The following KCNQ5 variants were observed in gnomAD, a reference collection of about 807,000 sequenced individuals.
KCNQ5 encodes potassium voltage-gated channel subfamily KQT member 5.
In KCNQ5, 30 loss-of-function variants were observed where a neutral mutation model predicts 98.2. The observed-to-expected ratio is 0.31, with a 90% CI of 0.23 to 0.41. The LOEUF (loss-of-function observed/expected upper bound fraction) is 0.41. Among genes scored for constraint, KCNQ5 ranks in the 10% least tolerant of loss-of-function variants. The probability of loss-of-function intolerance (pLI) is 1.00; values close to 1 mark genes in which losing one functional copy is unlikely to be tolerated. For synonymous variants in KCNQ5, 458 were observed against 449.4 expected (o/e 1.02, Z -0.24); for missense variants, 835 against 1,182.5 (o/e 0.71, Z 4.31).
chr6:73,140,225 C>T (rs1776648072), intron 10 of KCNQ5, among the ~76,000 whole-genome samples: 1 of 152,190 alleles, frequency 6.6e-6, no homozygotes, highest in Non-Finnish European at 1.5e-5. Flanking sequence ...TGCACACGAG[C>T]TTTCATCTTA....
At chr6:72,701,295 G>C (rs1337084937) in intron 1 of KCNQ5, among the ~76,000 whole-genome samples, 1 of 152,102 alleles carries the variant, frequency 6.6e-6, no homozygotes, top group Non-Finnish European at 1.5e-5. Flanking sequence ...CTTACATAAC[G>C]TTTAAGGCTT....
intron 1 of KCNQ5, among the ~76,000 whole-genome samples, chr6:72,732,055 T>C (rs562220489): frequency 6.6e-6 from 1 of 152,326 alleles, no homozygotes; most frequent in South Asian, 2.1e-4. Context: ...GAATCACATG[T>C]TCCCTTTTTT....
rs67431655 is a variant in KCNQ5, at chr6:73,188,982, C to CAAAA, written c.1578-1571_1578-1568dup. ...TGGGTGAAAGGGCGAGACTCTGTCT[C>CAAAA]AAAAAAAAAAAAAAAAAAAAAAAGA... is the stretch of plus-strand genomic sequence containing the variant. On this transcript the variant is annotated intron_variant, in intron 11 of 13. Coordinates refer to ENST00000370398, the MANE Select transcript of KCNQ5 (RefSeq NM_019842.4). Among the ~76,000 whole-genome samples the CAAAA allele has an allele frequency of 2.5e-4, 21 of 82,394 alleles. 1 individual carries two copies. Among genetic ancestry groups the CAAAA allele is most frequent in the South Asian group, 4.5e-4 (1 of 2,230 alleles). 54.1% of individuals were successfully genotyped at this position (82,394 alleles called of 152,430 possible).
chr6:73,094,304 G>A (rs1021357947), intron 5 of KCNQ5, among the ~76,000 whole-genome samples: 3 of 152,142 alleles, frequency 2.0e-5, no homozygotes, highest in Non-Finnish European at 4.4e-5. Context: ...TGTGTTAGGT[G>A]AGTCTCTTGA....
chr6:72,911,296 C>T (rs1232065505), intron 1 of KCNQ5, among the ~76,000 whole-genome samples: 1 of 151,994 alleles, frequency 6.6e-6, no homozygotes, highest in Non-Finnish European at 1.5e-5. Context: ...AGGGTGGAGC[C>T]CTGATGAATG....
chr6:73,120,363 G>T, intron 7 of KCNQ5, 120 bp from the exon 8 acceptor site: 1 of 610,118 alleles, frequency 1.6e-6, no homozygotes, highest in Non-Finnish European at 2.6e-6. Context: ...TATTTATCAG[G>T]GCTAAGTATA....
chr6:72,753,033 A>G (rs7756180), intron 1 of KCNQ5, among the ~76,000 whole-genome samples: 42,186 of 151,906 alleles, frequency 0.28, 9,031 homozygotes, highest in African/African-American at 0.6. Context: ...TGCTAAGAAG[A>G]CCTGTGCATT....
chr6:73,163,170 T>A (rs1777676173), intron 10 of KCNQ5, among the ~76,000 whole-genome samples: 1 of 151,868 alleles, frequency 6.6e-6, no homozygotes, highest in Non-Finnish European at 1.5e-5. Context: ...GGGAGGATCA[T>A]TTGAGATCAG....
chr6:72,674,385 TACA>T (rs1767299912), intron 1 of KCNQ5, among the ~76,000 whole-genome samples: 1 of 151,976 alleles, frequency 6.6e-6, no homozygotes, highest in Admixed American at 6.6e-5. Context: ...AGGTGACAGG[TACA>T]ACAAAACCTC....
intron 1 of KCNQ5, among the ~76,000 whole-genome samples, chr6:72,730,010 AG>A (rs1770477956): frequency 6.6e-6 from 1 of 152,138 alleles, no homozygotes; most frequent in Non-Finnish European, 1.5e-5. Flanking sequence ...TTAAAGAGTT[AG>A]CCATGCATGG....
At chr6:72,922,330 C>A (rs1387007191) in intron 1 of KCNQ5, among the ~76,000 whole-genome samples, 2 of 152,134 alleles carry the variant, frequency 1.3e-5, no homozygotes, top group African/African-American at 4.8e-5. Flanking sequence ...TTACAGTTTA[C>A]AACATGATTT....
chr6:72,688,645 A>G (rs1768068048), intron 1 of KCNQ5, among the ~76,000 whole-genome samples: 1 of 152,218 alleles, frequency 6.6e-6, no homozygotes, highest in African/African-American at 2.4e-5. Flanking sequence ...TAAGTTATCT[A>G]AGTATATACG....
rs146695624 is a variant in KCNQ5 at position 72,831,452 on chromosome 6, C to T, written c.399-172456C>T. On this transcript the variant is annotated intron_variant, in intron 1 of 13. Coordinates refer to ENST00000370398, the MANE Select transcript of KCNQ5 (RefSeq NM_019842.4). ...TGGGGAGCTGGATGAAGCTGGAAACCATCATTCTCAGCAGACTATCGCAAG... is the reference window on the plus strand; with the variant it reads ...TGGGGAGCTGGATGAAGCTGGAAACTATCATTCTCAGCAGACTATCGCAAG... 2.6e-5 allele frequency among the ~76,000 whole-genome samples: 4 copies of T among 152,114 alleles called. No individual in the cohort carries two copies. The East Asian group carries it at 7.7e-4, about 29-fold the overall frequency.
chr6:72,700,839 A>T (rs897344805), intron 1 of KCNQ5, among the ~76,000 whole-genome samples: 1 of 152,184 alleles, frequency 6.6e-6, no homozygotes, highest in East Asian at 1.9e-4. Flanking sequence ...AGAATGGCTG[A>T]GCAAACCCAT....
chr6:73,104,226 T>C lies in KCNQ5; in HGVS notation c.919-1031T>C, dbSNP rs145496967. On this transcript the variant is annotated intron_variant, in intron 5 of 13. Transcript: ENST00000370398. The stretch of plus-strand genomic sequence containing the variant: ...AACCCTAAAGATTCCAGAAAAAAAC[T>C]GCTAGAACTAATAAATTCAGTACAG... Among the ~76,000 whole-genome samples the C allele has an allele frequency of 9.0e-3, 1,368 of 152,088 alleles. 23 individuals are homozygous for C. The highest frequency in any genetic ancestry group is 0.032 in the African/African-American group (1,315 of 41,486).
At chr6:72,835,954 T>C (rs1469522427) in intron 1 of KCNQ5, among the ~76,000 whole-genome samples, 4 of 152,208 alleles carry the variant, frequency 2.6e-5, no homozygotes, top group East Asian at 1.9e-4. Context: ...CACTGGTAGC[T>C]TGAAATGAGC....
chr6:72,639,056 T>C (rs1291851290), intron 1 of KCNQ5, among the ~76,000 whole-genome samples: 1 of 152,168 alleles, frequency 6.6e-6, no homozygotes, highest in East Asian at 1.9e-4. Context: ...CAAGTAGACA[T>C]GTGGCCTGTT....
intron 1 of KCNQ5, among the ~76,000 whole-genome samples, chr6:72,969,204 C>A (rs9351961): frequency 0.65 from 99,557 of 152,062 alleles, 36,147 homozygotes; most frequent in Non-Finnish European, 0.81. Context: ...AACTGATAAC[C>A]CTTTAGACAA....
intron 1 of KCNQ5, among the ~76,000 whole-genome samples, chr6:72,676,437 G>C (rs1185399195): frequency 1.3e-5 from 2 of 152,164 alleles, no homozygotes; most frequent in African/African-American, 4.8e-5. Context: ...ACACAGGAGG[G>C]AGAAGATGTT....
Sources: allele counts gnomAD v4.1 joint callset (sites outside exome capture counted in the v4.1 genomes callset), GRCh38; gene constraint gnomAD v4.1.1; transcripts MANE v1.5; gene names NCBI Gene and HGNC (gene_info 2026-07-23, HGNC 2026-07-21).